The following EXOC4 variants were observed in gnomAD, a reference collection of about 807,000 sequenced individuals.
The protein encoded by EXOC4 is exocyst complex component 4.
A neutral mutation model predicts 107.2 loss-of-function variants in EXOC4; 71 were observed. The observed-to-expected ratio is 0.66, with a 90% CI of 0.55 to 0.81. EXOC4 has a LOEUF of 0.81. Among genes scored for constraint, EXOC4 ranks in the 30% least tolerant of loss-of-function variants. The pLI is 0.00. For missense variants in EXOC4, 1,108 were observed against 1,189.6 expected (o/e 0.93, Z 1.01); for synonymous variants, 456 against 441.2 (o/e 1.03, Z -0.42).
chr7:134,069,457 T>C (rs780999544), downstream of EXOC4, among the ~76,000 whole-genome samples: 14 of 149,646 alleles, frequency 9.4e-5, no homozygotes, highest in African/African-American at 2.2e-4. Context: ...TCCTCCTCCT[T>C]CTCCTTCCTC....
At chr7:133,458,564 T>C (rs1256119254) in intron 7 of EXOC4, among the ~76,000 whole-genome samples, 6 of 152,110 alleles carry the variant, frequency 3.9e-5, no homozygotes, top group African/African-American at 1.4e-4. Flanking sequence ...ACTCCTCAGG[T>C]GGAGAGCAAT....
chr7:134,048,573 G>A (rs567990954), intron 17 of EXOC4, among the ~76,000 whole-genome samples: 2 of 152,162 alleles, frequency 1.3e-5, no homozygotes, highest in Non-Finnish European at 2.9e-5. Flanking sequence ...GACCAGTTGA[G>A]GAGTAGGTTA....
At chr7:133,805,543 C>T (rs1797055163) in intron 10 of EXOC4, among the ~76,000 whole-genome samples, 1 of 152,130 alleles carries the variant, frequency 6.6e-6, no homozygotes. Context: ...ACCTCCATAG[C>T]AGAATTCTGT....
At chr7:133,586,105 T>C (rs1801396991) in intron 9 of EXOC4, among the ~76,000 whole-genome samples, 1 of 150,036 alleles carries the variant, frequency 6.7e-6, no homozygotes, top group African/African-American at 2.5e-5. Context: ...AAATTTTAGA[T>C]TCAGGGGTAC....
At chr7:133,428,504 ATTCTATTCTG>A (rs758869800) in intron 7 of EXOC4, among the ~76,000 whole-genome samples, 16 of 152,204 alleles carry the variant, frequency 1.1e-4, no homozygotes, top group Non-Finnish European at 1.6e-4. Flanking sequence ...CTGTGCTAAT[ATTCTATTCTG>A]TTCTATTCTG....
intron 10 of EXOC4, among the ~76,000 whole-genome samples, chr7:133,698,027 A>G (rs1191424891): frequency 6.6e-6 from 1 of 152,206 alleles, no homozygotes; most frequent in Non-Finnish European, 1.5e-5. Context: ...TAGCTGTTTT[A>G]TAAATGTGTT....
At chr7:133,578,450 A>C (rs776054051) in intron 9 of EXOC4, among the ~76,000 whole-genome samples, 5 of 152,270 alleles carry the variant, frequency 3.3e-5, no homozygotes, top group South Asian at 2.1e-4. Context: ...TGATCGTAGA[A>C]TTTCCAGCCA....
chr7:133,305,773 G>C, intron 3 of EXOC4, 104 bp from the exon 4 acceptor site: 4 of 861,252 alleles, frequency 4.6e-6, no homozygotes, highest in African/African-American at 9.9e-5. Flanking sequence ...TAAAGTTCTC[G>C]TAAGCTCCCT....
At chr7:133,373,620 A>G (rs1178815944) in intron 6 of EXOC4, among the ~76,000 whole-genome samples, 1 of 152,222 alleles carries the variant, frequency 6.6e-6, no homozygotes, top group African/African-American at 2.4e-5. Context: ...TATGGTAATA[A>G]AACCTTGTTA....
intron 9 of EXOC4, among the ~76,000 whole-genome samples, chr7:133,491,777 A>G (rs1026274771): frequency 2.0e-5 from 3 of 152,198 alleles, no homozygotes; most frequent in Admixed American, 2.0e-4. Context: ...AACATTTTCA[A>G]GGGAAGTCAT....
chr7:133,653,205 A>AT (rs1203419720), intron 10 of EXOC4, among the ~76,000 whole-genome samples: 3 of 152,332 alleles, frequency 2.0e-5, no homozygotes, highest in African/African-American at 7.2e-5. Flanking sequence ...CATTATTAAT[A>AT]TTAATATGTT....
chr7:133,486,489 G>C (rs1180578827), intron 9 of EXOC4, among the ~76,000 whole-genome samples: 3 of 152,020 alleles, frequency 2.0e-5, no homozygotes, highest in Non-Finnish European at 4.4e-5. Flanking sequence ...ACATATATTT[G>C]TTCTGCAGCC....
intron 16 of EXOC4, among the ~76,000 whole-genome samples, chr7:134,005,624 C>T (rs955615519): frequency 1.3e-5 from 2 of 152,152 alleles, no homozygotes; most frequent in African/African-American, 2.4e-5. Flanking sequence ...CATCTAAAGA[C>T]ATTACCCTTC....
intron 17 of EXOC4, chr7:134,010,201 AAAGT>A (rs372677713): frequency 2.0e-5 from 3 of 152,156 alleles, no homozygotes; most frequent in Non-Finnish European, 2.9e-5. Flanking sequence ...TGCCTCTACC[AAAGT>A]AAGTGTTAAT....
chr7:133,526,664 G>A (rs1167343504), intron 9 of EXOC4, among the ~76,000 whole-genome samples: 1 of 152,144 alleles, frequency 6.6e-6, no homozygotes, highest in African/African-American at 2.4e-5. Flanking sequence ...TAATTTTACT[G>A]TAGAAACGTA....
the EXOC4 span, among the ~76,000 whole-genome samples, chr7:134,074,236 C>T: frequency 6.6e-6 from 1 of 152,224 alleles, no homozygotes; most frequent in Admixed American, 6.5e-5. Context: ...CCCTCCTTCC[C>T]TGGGCCTAGA....
intron 9 of EXOC4, among the ~76,000 whole-genome samples, chr7:133,509,409 C>T (rs1799725462): frequency 6.6e-6 from 1 of 150,632 alleles, no homozygotes; most frequent in Non-Finnish European, 1.5e-5. Context: ...GCCTGGGCAA[C>T]AGAGCAAGAC....
At chr7:133,808,025 C>T (rs1195425903) in intron 10 of EXOC4, among the ~76,000 whole-genome samples, 2 of 152,110 alleles carry the variant, frequency 1.3e-5, no homozygotes, top group Non-Finnish European at 2.9e-5. Context: ...CCTCTTTTCT[C>T]CTCTACTTCC....
chr7:133,472,641 A>C (rs1258500082), intron 7 of EXOC4, among the ~76,000 whole-genome samples: 1 of 152,196 alleles, frequency 6.6e-6, no homozygotes, highest in Non-Finnish European at 1.5e-5. Context: ...CATTGTGATA[A>C]AGGGAACAGT....
Sources: allele counts gnomAD v4.1 joint callset (sites outside exome capture counted in the v4.1 genomes callset), GRCh38; gene constraint gnomAD v4.1.1; transcripts MANE v1.5; gene names NCBI Gene and HGNC (gene_info 2026-07-23, HGNC 2026-07-21).